Variants in SDK1 observed in about 807,000 individuals in gnomAD.
SDK1 encodes protein sidekick-1.
Under a neutral mutation model 245.5 loss-of-function variants are expected in SDK1, and 157 were observed. That is an observed-to-expected ratio of 0.64 (90% CI 0.56 to 0.73). SDK1 has a LOEUF of 0.73. Among genes scored for constraint, SDK1 ranks in the 30% least tolerant of loss-of-function variants. The pLI is 0.00. For missense variants in SDK1, 3,583 were observed against 3,002.3 expected (o/e 1.19, Z -4.52); for synonymous variants, 1,647 against 1,278.5 (o/e 1.29, Z -6.15).
intron 1 of SDK1, among the ~76,000 whole-genome samples, chr7:3,531,832 A>G (rs966992098): frequency 2.0e-5 from 3 of 152,244 alleles, no homozygotes; most frequent in African/African-American, 7.2e-5. Flanking sequence ...CAAAGAGTTC[A>G]TAAGGAATAC....
At chr7:3,369,022 CT>C (rs1231714335) in intron 1 of SDK1, among the ~76,000 whole-genome samples, 4 of 151,754 alleles carry the variant, frequency 2.6e-5, no homozygotes, top group African/African-American at 7.3e-5. Flanking sequence ...CATGTAAATT[CT>C]TTTTTTTCTT....
At chr7:3,967,230 C>G (rs1429203404) in intron 9 of SDK1, 88 bp from the exon 10 acceptor site, 2 of 1,010,286 alleles carry the variant, frequency 2.0e-6, no homozygotes, top group East Asian at 4.8e-5. Flanking sequence ...GTGATTGGCT[C>G]TCTAAAGCCC....
intron 1 of SDK1, among the ~76,000 whole-genome samples, chr7:3,315,148 A>G (rs1779634555): frequency 6.6e-6 from 1 of 152,216 alleles, no homozygotes; most frequent in Non-Finnish European, 1.5e-5. Flanking sequence ...CAATGTTAGT[A>G]TTAAAAAGGA....
chr7:3,901,261 A>C (rs1199577965), intron 5 of SDK1, among the ~76,000 whole-genome samples: 1 of 151,362 alleles, frequency 6.6e-6, no homozygotes, highest in Admixed American at 6.6e-5. Flanking sequence ...ATCTCAGCTC[A>C]CTGCAACCTC....
intron 14 of SDK1, among the ~76,000 whole-genome samples, chr7:3,995,128 C>T (rs772931217): frequency 5.3e-5 from 8 of 152,156 alleles, no homozygotes; most frequent in Non-Finnish European, 8.8e-5. Context: ...CCTGCCTCTC[C>T]GATTTATCTC....
At chr7:4,107,143 T>TGGGGAGGGTGGGGAGGGTGGGGAGGGG (rs1782982668) in intron 22 of SDK1, among the ~76,000 whole-genome samples, 2 of 3,826 alleles carry the variant, frequency 5.2e-4, no homozygotes, top group African/African-American at 7.7e-4. Context: ...GTGGGGAGGG[T>TGGGGAGGGTGGGGAGGGTGGGGAGGGG]GGGGAGGGTG....
chr7:3,821,450 A>T lies in SDK1; in HGVS notation c.714A>T (p.Ile238=), dbSNP rs370075198. The T allele has an allele frequency of 1.3e-5, 21 of 1,612,800 alleles. No individual in the cohort carries two copies. Among genetic ancestry groups the T allele is most frequent in the East Asian group, 6.7e-5 (3 of 44,814 alleles). Residue 238 remains isoleucine, a splice_region_variant and synonymous_variant, in exon 5 of 45, where the codon ATA becomes ATT. Transcript: ENST00000404826. ...EGHKIIPSNR[I]AITLENQLVI... ...ACTGTCCTCTTCTTTTCTGAAACAGAGCCATCACATTGGAGAATCAGCTGG... is the reference window on the plus strand; with the variant it reads ...ACTGTCCTCTTCTTTTCTGAAACAGTGCCATCACATTGGAGAATCAGCTGG...
intron 4 of SDK1, among the ~76,000 whole-genome samples, chr7:3,709,416 A>G (rs1043019377): frequency 2.6e-5 from 4 of 152,030 alleles, no homozygotes; most frequent in Non-Finnish European, 5.9e-5. Context: ...CCCTCCCTGT[A>G]TCAGGTTCAG....
At chr7:4,242,068 G>A (rs1424948456) in intron 43 of SDK1, among the ~76,000 whole-genome samples, 155 bp downstream of exon 43, 2 of 152,244 alleles carry the variant, frequency 1.3e-5, no homozygotes, top group Non-Finnish European at 2.9e-5. Flanking sequence ...ACCACCAGGG[G>A]CAGCCCTGAG....
intron 17 of SDK1, among the ~76,000 whole-genome samples, chr7:4,033,681 A>T (rs1048602823): frequency 1.6e-4 from 24 of 152,206 alleles, no homozygotes; most frequent in Non-Finnish European, 3.4e-4. Context: ...CAGAAGTGCA[A>T]ATGGCCCATA....
intron 5 of SDK1, among the ~76,000 whole-genome samples, chr7:3,884,445 C>G (rs1781289835): frequency 6.6e-6 from 1 of 152,186 alleles, no homozygotes; most frequent in Non-Finnish European, 1.5e-5. Context: ...CACGCCAGGC[C>G]TCTAACGTTT....
At chr7:3,566,247 T>G (rs1460426862) in intron 1 of SDK1, among the ~76,000 whole-genome samples, 1 of 138,102 alleles carries the variant, frequency 7.2e-6, no homozygotes, top group South Asian at 2.3e-4. Flanking sequence ...TTTTTTGAGA[T>G]GGAGTCTCGC....
At chr7:4,207,679 C>T (rs552947582) in intron 36 of SDK1, among the ~76,000 whole-genome samples, 34 of 152,140 alleles carry the variant, frequency 2.2e-4, no homozygotes, top group South Asian at 1.9e-3. Flanking sequence ...GGACACGGGG[C>T]GGCTTCCCTT....
intron 13 of SDK1, among the ~76,000 whole-genome samples, chr7:3,975,907 T>A (rs11975098): frequency 1.4e-5 from 2 of 138,560 alleles, no homozygotes; most frequent in African/African-American, 5.3e-5. Flanking sequence ...AGCTGCCACG[T>A]AGAGGGTCCT....
chr7:3,340,072 T>C (rs1255362544), intron 1 of SDK1, among the ~76,000 whole-genome samples: 1 of 152,116 alleles, frequency 6.6e-6, no homozygotes, highest in Non-Finnish European at 1.5e-5. Flanking sequence ...AACTTTGTGC[T>C]CATAAATTTG....
chr7:4,155,357 C>G (rs1412855437), intron 30 of SDK1, among the ~76,000 whole-genome samples: 1 of 152,216 alleles, frequency 6.6e-6, no homozygotes, highest in African/African-American at 2.4e-5. Flanking sequence ...CTCCTTTGCA[C>G]CCAAACCCAT....
At chr7:3,526,924 C>A (rs999390766) in intron 1 of SDK1, among the ~76,000 whole-genome samples, 1 of 152,100 alleles carries the variant, frequency 6.6e-6, no homozygotes, top group Non-Finnish European at 1.5e-5. Flanking sequence ...GAGACACTCT[C>A]TGCTTACCTT....
At chr7:3,320,573 A>G (rs1174667696) in intron 1 of SDK1, among the ~76,000 whole-genome samples, 1 of 152,190 alleles carries the variant, frequency 6.6e-6, no homozygotes, top group Non-Finnish European at 1.5e-5. Flanking sequence ...ATAATCAGAA[A>G]TCAAACTAAA....
At chr7:3,514,857 C>G (rs1241221314) in intron 1 of SDK1, among the ~76,000 whole-genome samples, 3 of 152,190 alleles carry the variant, frequency 2.0e-5, no homozygotes, top group African/African-American at 7.2e-5. Flanking sequence ...TTTGCCCCAT[C>G]ACGCGTGCAT....
Sources: allele counts gnomAD v4.1 joint callset (sites outside exome capture counted in the v4.1 genomes callset), GRCh38; gene constraint gnomAD v4.1.1; transcripts MANE v1.5; gene names NCBI Gene and HGNC (gene_info 2026-07-23, HGNC 2026-07-21).